The following LSAMP variants were observed in gnomAD, a reference collection of about 807,000 sequenced individuals.
The protein encoded by LSAMP is limbic system associated membrane protein, also known as limbic system-associated membrane protein.
In LSAMP, 7 loss-of-function variants were observed where a neutral mutation model predicts 38.6. The ratio of observed to expected loss-of-function variants is 0.18; its 90% confidence interval spans 0.10 to 0.34. The LOEUF is 0.34. LSAMP is among the 10% of genes least tolerant of loss of function. The probability of loss-of-function intolerance (pLI) is 1.00; values close to 1 mark genes in which losing one functional copy is unlikely to be tolerated. For missense variants in LSAMP, 313 were observed against 420.0 expected (o/e 0.75, Z 2.23); for synonymous variants, 154 against 166.8 (o/e 0.92, Z 0.59).
intron 3 of LSAMP, among the ~76,000 whole-genome samples, chr3:115,961,214 T>C (rs1391774729): frequency 6.6e-6 from 1 of 152,196 alleles, no homozygotes; most frequent in Non-Finnish European, 1.5e-5. Context: ...TAAGATCTTC[T>C]CATATTGTCA....
At chr3:116,145,984 C>T (rs1210780983) in intron 1 of LSAMP, among the ~76,000 whole-genome samples, 1 of 151,766 alleles carries the variant, frequency 6.6e-6, no homozygotes, top group South Asian at 2.1e-4. Context: ...GCTACATTGT[C>T]TCCATTTTAA....
At chr3:116,275,460 A>T (rs936406484) in intron 1 of LSAMP, among the ~76,000 whole-genome samples, 1 of 152,154 alleles carries the variant, frequency 6.6e-6, no homozygotes, top group African/African-American at 2.4e-5. Context: ...CAATTTTGTG[A>T]GTGTGTGTGG....
chr3:116,355,586 T>C (rs1301296934), intron 1 of LSAMP, among the ~76,000 whole-genome samples: 1 of 152,014 alleles, frequency 6.6e-6, no homozygotes, highest in Non-Finnish European at 1.5e-5. Context: ...AATAGGCAAA[T>C]GGATCACATC....
At chr3:116,269,529 G>A (rs2046941834) in intron 1 of LSAMP, among the ~76,000 whole-genome samples, 1 of 152,072 alleles carries the variant, frequency 6.6e-6, no homozygotes, top group African/African-American at 2.4e-5. Flanking sequence ...TGGCACTGCT[G>A]TGAGTGCTGG....
chr3:116,270,695 A>ATCTT (rs1244367365), intron 1 of LSAMP, among the ~76,000 whole-genome samples: 1 of 152,104 alleles, frequency 6.6e-6, no homozygotes, highest in Non-Finnish European at 1.5e-5. Flanking sequence ...GGTTCAGGAA[A>ATCTT]TCTTTCAGCT....
At chr3:116,128,753 A>T (rs1273682456) in intron 1 of LSAMP, among the ~76,000 whole-genome samples, 3 of 152,194 alleles carry the variant, frequency 2.0e-5, no homozygotes, top group African/African-American at 7.2e-5. Context: ...AAACTTAAAG[A>T]CCCAATGTAC....
chr3:116,114,809 TAA>T (rs1708706665), intron 1 of LSAMP, among the ~76,000 whole-genome samples: 1 of 152,250 alleles, frequency 6.6e-6, no homozygotes, highest in Non-Finnish European at 1.5e-5. Flanking sequence ...ATGTAAGTCA[TAA>T]AGTTAGGAAT....
chr3:115,872,806 C>T (rs527334998), intron 3 of LSAMP, among the ~76,000 whole-genome samples: 248 of 152,184 alleles, frequency 1.6e-3, no homozygotes, highest in Non-Finnish European at 3.0e-3. Flanking sequence ...GGTCTAAGAT[C>T]ACACAGGTAG....
intron 1 of LSAMP, among the ~76,000 whole-genome samples, chr3:116,129,318 C>T (rs1472741358): frequency 6.6e-6 from 1 of 152,124 alleles, no homozygotes; most frequent in East Asian, 1.9e-4. Flanking sequence ...CTGCATTGCA[C>T]TTCATAGAAC....
At chr3:116,295,622 T>C (rs1369382779) in intron 1 of LSAMP, among the ~76,000 whole-genome samples, 1 of 152,198 alleles carries the variant, frequency 6.6e-6, no homozygotes, top group Non-Finnish European at 1.5e-5. Flanking sequence ...CTCCATTCTT[T>C]AGTTGGCATT....
At chr3:116,378,453 T>G (rs1168122213) in intron 1 of LSAMP, among the ~76,000 whole-genome samples, 3 of 152,118 alleles carry the variant, frequency 2.0e-5, no homozygotes, top group Non-Finnish European at 4.4e-5. Context: ...CATCTCTCTC[T>G]CAAAGAGTTT....
chr3:116,132,839 A>C (rs1002776053), intron 1 of LSAMP, among the ~76,000 whole-genome samples: 5 of 152,168 alleles, frequency 3.3e-5, no homozygotes, highest in Admixed American at 1.3e-4. Context: ...CCCAAAATAC[A>C]TGTGCTTGAA....
intron 1 of LSAMP, among the ~76,000 whole-genome samples, chr3:116,295,122 T>G (rs2047313576): frequency 6.6e-6 from 1 of 152,102 alleles, no homozygotes; most frequent in African/African-American, 2.4e-5. Flanking sequence ...GACATGAAAA[T>G]CATATCTTTA....
chr3:116,291,842 T>A (rs896701857), intron 1 of LSAMP, among the ~76,000 whole-genome samples: 2 of 152,102 alleles, frequency 1.3e-5, no homozygotes, highest in Admixed American at 6.6e-5. Flanking sequence ...AAACCTGAAG[T>A]TTTTCTGGAA....
At chr3:116,207,791 C>T (rs1262561049) in intron 1 of LSAMP, among the ~76,000 whole-genome samples, 2 of 152,270 alleles carry the variant, frequency 1.3e-5, no homozygotes, top group East Asian at 3.9e-4. Flanking sequence ...GTCTGATGGG[C>T]TTCCCTTTGA....
intron 3 of LSAMP, among the ~76,000 whole-genome samples, chr3:115,891,814 G>C (rs72955533): frequency 0.055 from 8,412 of 151,920 alleles, 746 homozygotes; most frequent in African/African-American, 0.19. Context: ...ACTTCTCCTG[G>C]TAGTAGGTGG....
At chr3:116,071,974 C>CTTTTT (rs34359160) in intron 2 of LSAMP, among the ~76,000 whole-genome samples, 4 of 130,124 alleles carry the variant, frequency 3.1e-5, no homozygotes, top group Non-Finnish European at 4.8e-5. Flanking sequence ...GTATATGTAG[C>CTTTTT]TTTTTTTTTT....
At chr3:115,828,686 T>C (rs1197674305) in intron 6 of LSAMP, among the ~76,000 whole-genome samples, 1 of 152,224 alleles carries the variant, frequency 6.6e-6, no homozygotes, top group Non-Finnish European at 1.5e-5. Context: ...TCCTTTTAAT[T>C]AAAAAGACAA....
At chr3:116,023,765 A>G (rs950276816) in intron 2 of LSAMP, among the ~76,000 whole-genome samples, 4 of 152,208 alleles carry the variant, frequency 2.6e-5, no homozygotes. Flanking sequence ...GATAAAATCC[A>G]AACTTTTAAA....
Sources: gnomAD v4.1 joint callset for allele counts (sites outside exome capture counted in the v4.1 genomes callset) on GRCh38, gnomAD v4.1.1 for gene constraint, MANE v1.5 for transcripts, NCBI Gene and HGNC (gene_info 2026-07-23, HGNC 2026-07-21) for gene names.